Variants in TTC28 observed in about 807,000 individuals in gnomAD.
The protein encoded by TTC28 is tetratricopeptide repeat protein 28.
Under a neutral mutation model 198.0 loss-of-function variants are expected in TTC28, and 61 were observed. The observed-to-expected ratio is 0.31, with a 90% confidence interval of 0.25 to 0.38. The LOEUF is 0.38. Among genes scored for constraint, TTC28 ranks in the 10% least tolerant of loss-of-function variants. The pLI, the probability that TTC28 is intolerant of heterozygous loss-of-function variation, is 1.00. For missense variants in TTC28, 2,678 were observed against 3,164.0 expected, an observed-to-expected ratio of 0.85 and a Z score of 3.69; for synonymous variants, 1,171 against 1,297.8, an observed-to-expected ratio of 0.90 and a Z score of 2.10.
At chr22:28,501,328 T>G (rs1485390499) in intron 2 of TTC28, among the ~76,000 whole-genome samples, 1 of 151,750 alleles carries the variant, frequency 6.6e-6, no homozygotes, top group African/African-American at 2.4e-5. Context: ...TATGAAGATG[T>G]GATGTATAAG....
At chr22:28,215,522 T>C (rs1353333721) in intron 5 of TTC28, among the ~76,000 whole-genome samples, 1 of 152,212 alleles carries the variant, frequency 6.6e-6, no homozygotes, top group Non-Finnish European at 1.5e-5. Context: ...TGTATAAAAA[T>C]AACTTCATTA....
intron 5 of TTC28, among the ~76,000 whole-genome samples, chr22:28,256,858 G>A (rs1364855970): frequency 1.3e-5 from 2 of 152,148 alleles, no homozygotes; most frequent in Non-Finnish European, 2.9e-5. Context: ...GGGCAACAGA[G>A]CAAGATGCCA....
intron 1 of TTC28, among the ~76,000 whole-genome samples, chr22:28,636,341 G>A (rs1470313647): frequency 1.3e-5 from 2 of 151,796 alleles, no homozygotes; most frequent in Non-Finnish European, 2.9e-5. Context: ...TAGCCAGGAT[G>A]GTCTCGATCT....
chr22:28,171,442 T>C (rs1316224538), intron 5 of TTC28, among the ~76,000 whole-genome samples: 1 of 152,146 alleles, frequency 6.6e-6, no homozygotes, highest in Non-Finnish European at 1.5e-5. Flanking sequence ...CTGTCCCTCC[T>C]GGAGTAAGGG....
At chr22:28,066,766 C>G (rs557768890) in intron 12 of TTC28, among the ~76,000 whole-genome samples, 7 of 152,160 alleles carry the variant, frequency 4.6e-5, no homozygotes, top group Non-Finnish European at 1.5e-5. Flanking sequence ...CTGGCCCTGG[C>G]TACAGGGTGG....
At chr22:28,078,973 CA>C (rs1164666361) in intron 12 of TTC28, among the ~76,000 whole-genome samples, 2 of 152,052 alleles carry the variant, frequency 1.3e-5, no homozygotes, top group African/African-American at 4.8e-5. Flanking sequence ...GAAAGGAGGC[CA>C]GGGGGCCACA....
chr22:28,357,322 T>TTA (rs1853103364), intron 2 of TTC28, among the ~76,000 whole-genome samples: 1 of 146,872 alleles, frequency 6.8e-6, no homozygotes, highest in Non-Finnish European at 1.5e-5. Flanking sequence ...CTTATTTTTT[T>TTA]TTTTTTTTTT....
intron 2 of TTC28, among the ~76,000 whole-genome samples, chr22:28,398,795 CATA>C (rs1435555274): frequency 1.3e-5 from 2 of 152,118 alleles, no homozygotes; most frequent in East Asian, 3.8e-4. Context: ...GGTATAGCTT[CATA>C]ATAATATTTT....
intron 12 of TTC28, among the ~76,000 whole-genome samples, chr22:28,048,650 C>T (rs763821107): frequency 4.6e-5 from 7 of 152,156 alleles, no homozygotes; most frequent in Non-Finnish European, 8.8e-5. Context: ...CTGTCCACCA[C>T]CTAGAGGACA....
chr22:28,548,987 TCCTCCAAATTCTAACA>T (rs1469359252), intron 2 of TTC28, among the ~76,000 whole-genome samples: 1 of 152,166 alleles, frequency 6.6e-6, no homozygotes, highest in East Asian at 1.9e-4. Context: ...TTTTAATGTT[TCCTCCAAATTCTAACA>T]CCTCTAAATT....
chr22:28,164,645 C>T (rs1012526369), intron 5 of TTC28, among the ~76,000 whole-genome samples: 1 of 152,174 alleles, frequency 6.6e-6, no homozygotes. Flanking sequence ...CCCATCTCCA[C>T]GTCACCATCA....
intron 12 of TTC28, among the ~76,000 whole-genome samples, chr22:28,068,544 T>C (rs890479343): frequency 6.6e-6 from 1 of 152,218 alleles, no homozygotes; most frequent in African/African-American, 2.4e-5. Flanking sequence ...AAGGAGTTTA[T>C]ATTCCGAGGT....
chr22:28,018,298 T>C lies in TTC28; in HGVS notation c.4074-3906A>G, dbSNP rs866501143. Reference sequence around the variant, plus strand: ...GTGTGTATGTGTGTGCGCGCGTGTGTGCGCGCGCGGGGGGGGGGGCGGGGA... The same window carrying C: ...GTGTGTATGTGTGTGCGCGCGTGTGCGCGCGCGCGGGGGGGGGGGCGGGGA... On this transcript the variant is annotated intron_variant, in intron 13 of 22. Transcript: ENST00000397906. Among the ~76,000 whole-genome samples, 18 of 38,656 alleles carry C rather than the reference T, an allele frequency of 4.7e-4. No individual in the cohort carries two copies. The South Asian group carries it at 4.8e-3, about 10-fold the overall frequency. The allele number at this position is 38,656 out of a possible 152,430, so 25.4% of individuals were successfully genotyped here.
intron 2 of TTC28, among the ~76,000 whole-genome samples, chr22:28,546,974 C>A (rs1376480188): frequency 2.0e-5 from 3 of 152,074 alleles, no homozygotes; most frequent in Non-Finnish European, 4.4e-5. Flanking sequence ...CAGGTAGGGA[C>A]ACAGGGATGG....
intron 1 of TTC28, among the ~76,000 whole-genome samples, chr22:28,649,251 T>C (rs938090456): frequency 2.0e-5 from 3 of 152,090 alleles, no homozygotes; most frequent in South Asian, 4.1e-4. Context: ...AAACTACATA[T>C]TGGATATTGG....
intron 5 of TTC28, among the ~76,000 whole-genome samples, chr22:28,239,897 T>C (rs1929541667): frequency 6.6e-6 from 1 of 152,196 alleles, no homozygotes. Context: ...TTACCTCTCA[T>C]TCCCTCATCA....
chr22:28,422,725 G>A (rs996112144), intron 2 of TTC28, among the ~76,000 whole-genome samples: 5 of 152,014 alleles, frequency 3.3e-5, no homozygotes, highest in African/African-American at 9.7e-5. Flanking sequence ...GATTACAGGC[G>A]TGAGCCACCG....
At chr22:28,602,153 G>T (rs1265395583) in intron 2 of TTC28, among the ~76,000 whole-genome samples, 2 of 152,142 alleles carry the variant, frequency 1.3e-5, no homozygotes, top group African/African-American at 4.8e-5. Flanking sequence ...CATTACAGTG[G>T]TCAAAGGTCA....
In TTC28 at chr22:28,492,296, A is replaced by G. The variant is rs73430105; in HGVS notation, c.381+137256T>C. 2.6e-5 allele frequency among the ~76,000 whole-genome samples: 4 copies of G among 152,142 alleles called. No homozygotes were observed. In the South Asian group the frequency reaches 6.2e-4, roughly 24 times the overall value. ...TAGCTGTCTAAATAAACCAATTAAA[A>G]GACAAAAAAAAGAGAAAGAAAATAG... is the stretch of plus-strand genomic sequence containing the variant. On this transcript the variant is annotated intron_variant, in intron 2 of 22. Coordinates refer to ENST00000397906, the MANE Select transcript of TTC28 (RefSeq NM_001145418.2).
Sources: allele counts gnomAD v4.1 joint callset (sites outside exome capture counted in the v4.1 genomes callset), GRCh38; gene constraint gnomAD v4.1.1; transcripts MANE v1.5; gene names NCBI Gene and HGNC (gene_info 2026-07-23, HGNC 2026-07-21).